CTNNA2: variants seen among roughly 807,000 people sequenced by gnomAD.
CTNNA2 encodes catenin alpha-2.
In CTNNA2, 42 loss-of-function variants were observed where a neutral mutation model predicts 101.0. That is an observed-to-expected ratio of 0.42 (90% CI 0.32 to 0.54). CTNNA2 has a LOEUF of 0.54. CTNNA2 is among the 20% of genes least tolerant of loss of function. CTNNA2 has a pLI of 0.14. For synonymous variants in CTNNA2, 450 were observed against 456.4 expected, an observed-to-expected ratio of 0.99 and a Z score of 0.18; for missense variants, 871 against 1,223.1, an observed-to-expected ratio of 0.71 and a Z score of 4.29.
chr2:79,665,435 G>A (rs1682346876), intron 2 of CTNNA2, among the ~76,000 whole-genome samples: 1 of 152,122 alleles, frequency 6.6e-6, no homozygotes, highest in South Asian at 2.1e-4. Context: ...CCTCGGAATG[G>A]CATATAATAG....
At chr2:80,306,627 C>T (rs1210521716) in intron 7 of CTNNA2, among the ~76,000 whole-genome samples, 3 of 151,862 alleles carry the variant, frequency 2.0e-5, no homozygotes, top group Non-Finnish European at 2.9e-5. Context: ...GTGGTTTCAC[C>T]TCTTGCCAAG....
At chr2:80,544,910 G>A (rs1691904734) in intron 9 of CTNNA2, 72 bp from the exon 10 acceptor site, 1 of 1,307,528 alleles carries the variant, frequency 7.6e-7, no homozygotes. Context: ...GCCAGAGAAG[G>A]TCCAAGGCGG....
At chr2:79,567,239 T>C (rs1675172841) in intron 1 of CTNNA2, among the ~76,000 whole-genome samples, 1 of 152,128 alleles carries the variant, frequency 6.6e-6, no homozygotes, top group Non-Finnish European at 1.5e-5. Context: ...TTGTTGAAGT[T>C]GTTGTCATTT....
At chr2:80,396,356 T>C (rs1463910452) in intron 8 of CTNNA2, among the ~76,000 whole-genome samples, 1 of 152,156 alleles carries the variant, frequency 6.6e-6, no homozygotes, top group Non-Finnish European at 1.5e-5. Context: ...CAAAAATGGA[T>C]TTAGGGGATG....
intron 9 of CTNNA2, among the ~76,000 whole-genome samples, chr2:80,479,683 T>C (rs1686000142): frequency 6.6e-6 from 1 of 152,176 alleles, no homozygotes; most frequent in African/African-American, 2.4e-5. Context: ...AGCTGAAATG[T>C]ACTGCCCTAA....
intron 7 of CTNNA2, among the ~76,000 whole-genome samples, chr2:80,058,384 G>A (rs1252653268): frequency 6.6e-6 from 1 of 152,186 alleles, no homozygotes; most frequent in African/African-American, 2.4e-5. Flanking sequence ...TGATCACATG[G>A]TAGATAAGGA....
chr2:80,212,341 A>T (rs60680337), intron 7 of CTNNA2, among the ~76,000 whole-genome samples: 2,363 of 152,236 alleles, frequency 0.016, 69 homozygotes, highest in African/African-American at 0.053. Flanking sequence ...TCAGTATGAT[A>T]TTGGGTGTGG....
At chr2:80,528,341 C>A (rs996020645) in intron 9 of CTNNA2, among the ~76,000 whole-genome samples, 6 of 152,086 alleles carry the variant, frequency 3.9e-5, no homozygotes, top group Admixed American at 6.6e-5. Context: ...GGACTACAGG[C>A]ACTCACCACC....
chr2:79,478,427 T>C (rs1671075472), intron 4 of CTNNA2, among the ~76,000 whole-genome samples: 1 of 152,166 alleles, frequency 6.6e-6, no homozygotes, highest in South Asian at 2.1e-4. Flanking sequence ...AATGAAACAC[T>C]GTAAGGCAGA....
intron 3 of CTNNA2, among the ~76,000 whole-genome samples, chr2:79,785,532 A>G (rs1022460740): frequency 7.2e-5 from 11 of 152,098 alleles, no homozygotes; most frequent in African/African-American, 1.9e-4. Flanking sequence ...GATCTCACCC[A>G]TGTTAACACA....
At chr2:80,377,560 A>G (rs1676077191) in intron 7 of CTNNA2, among the ~76,000 whole-genome samples, 1 of 152,220 alleles carries the variant, frequency 6.6e-6, no homozygotes, top group Admixed American at 6.5e-5. Flanking sequence ...CTTGGAAGGA[A>G]AGGAAGGCAT....
chr2:79,874,238 G>T lies in CTNNA2; in HGVS notation c.748G>T (p.Ala250Ser). 6.2e-7 allele frequency: 1 copy of T among 1,614,132 alleles called. No homozygotes were observed. The highest frequency in any genetic ancestry group is 1.1e-5 in the South Asian group (1 of 91,072). The part of the protein sequence containing the change: ...RDYVFKQVQE[A>S]IAGISNAAQA... ...TTATGTGTTCAAACAAGTCCAGGAG[G>T]CCATCGCCGGCATCTCCAATGCTGC... The change falls in exon 6 of 19, where the codon GCC becomes TCC. Residue 250 changes from alanine to serine, a missense_variant. By Grantham distance (99) the Ala-to-Ser change is moderately conservative (BLOSUM62 1). This residue lies in a region of CTNNA2 where 647 missense variants were observed against 831.5 expected (regional missense o/e 0.78). Transcript: ENST00000402739.
At chr2:80,520,878 G>A (rs1389965471) in intron 9 of CTNNA2, among the ~76,000 whole-genome samples, 1 of 152,116 alleles carries the variant, frequency 6.6e-6, no homozygotes, top group African/African-American at 2.4e-5. Flanking sequence ...AAAAAAGAGT[G>A]GTATTTTCTG....
chr2:79,445,158 T>C (rs1678819508), intron 4 of CTNNA2, among the ~76,000 whole-genome samples: 1 of 152,140 alleles, frequency 6.6e-6, no homozygotes, highest in South Asian at 2.1e-4. Flanking sequence ...TTTGATACAT[T>C]TTTTTCCTCA....
At chr2:79,344,746 A>C (rs2104432341) in intron 3 of CTNNA2, among the ~76,000 whole-genome samples, 1 of 149,928 alleles carries the variant, frequency 6.7e-6, no homozygotes, top group East Asian at 1.9e-4. Context: ...ATCTCTTGCA[A>C]GCTATGTGAT....
intron 7 of CTNNA2, among the ~76,000 whole-genome samples, chr2:80,359,192 A>G (rs191391090): frequency 3.0e-4 from 46 of 152,264 alleles, no homozygotes; most frequent in African/African-American, 1.1e-3. Flanking sequence ...CCTGGGCAAT[A>G]TGGCAGGACC....
intron 7 of CTNNA2, among the ~76,000 whole-genome samples, chr2:80,192,830 T>G (rs1394059311): frequency 6.6e-6 from 1 of 152,200 alleles, no homozygotes; most frequent in Non-Finnish European, 1.5e-5. Context: ...TGTAAACTTT[T>G]CAAAGAATCC....
intron 7 of CTNNA2, among the ~76,000 whole-genome samples, chr2:79,925,932 T>A (rs1468282173): frequency 6.6e-6 from 1 of 152,068 alleles, no homozygotes; most frequent in South Asian, 2.1e-4. Context: ...TTGGGAGATA[T>A]GAATTATTTA....
At chr2:80,144,244 C>A (rs1319252180) in intron 7 of CTNNA2, among the ~76,000 whole-genome samples, 1 of 152,130 alleles carries the variant, frequency 6.6e-6, no homozygotes, top group Non-Finnish European at 1.5e-5. Context: ...ACGTCCTAAG[C>A]AAGAAGTTGG....
Sources: allele counts gnomAD v4.1 joint callset (sites outside exome capture counted in the v4.1 genomes callset), GRCh38; gene constraint gnomAD v4.1.1; regional missense constraint gnomAD v4.1.1; transcripts MANE v1.5; gene names NCBI Gene and HGNC (gene_info 2026-07-23, HGNC 2026-07-21).